MFHAS1: variants seen among roughly 807,000 people sequenced by gnomAD.
The protein encoded by MFHAS1 is malignant fibrous histiocytoma-amplified sequence 1.
MFHAS1 carries 50 observed loss-of-function variants against 70.4 expected under a neutral mutation model. That is an observed-to-expected ratio of 0.71 (90% confidence interval 0.57 to 0.90). The LOEUF is 0.90. Among genes scored for constraint, MFHAS1 ranks in the 40% least tolerant of loss-of-function variants. The pLI, the probability that MFHAS1 is intolerant of heterozygous loss-of-function variation, is 0.00. For missense variants in MFHAS1, 1,795 were observed against 1,347.6 expected (o/e 1.33, Z -5.20); for synonymous variants, 952 against 620.0 (o/e 1.54, Z -7.96).
rs573857319 is a variant in MFHAS1, at chr8:8,872,868, A to G, written c.2998+17193T>C. On this transcript the variant is annotated intron_variant, in intron 1 of 2. Transcript: ENST00000276282. ...GTTTTTCTTGGGGAGGGGGAAATGC[A>G]TATATTTCAGAGGCTTAACAAATAC... 9.7e-4 allele frequency among the ~76,000 whole-genome samples: 148 copies of G among 152,350 alleles called. 1 individual carries two copies. Among genetic ancestry groups the G allele is most frequent in the African/African-American group, 3.5e-3 (144 of 41,588 alleles).
At chr8:8,797,751 C>T (rs538026858) in intron 1 of MFHAS1, among the ~76,000 whole-genome samples, 1 of 152,326 alleles carries the variant, frequency 6.6e-6, no homozygotes, top group East Asian at 1.9e-4. Context: ...AAGACAGCAT[C>T]TGTCACTGCT....
chr8:8,892,900 G>A lies in MFHAS1; in HGVS notation c.159C>T (p.Ser53=). Residue 53 remains serine (S), a synonymous_variant, in exon 1 of 3, where the codon TCC becomes TCT. Coordinates refer to ENST00000276282, the MANE Select transcript of MFHAS1 (RefSeq NM_004225.3). This position sits in a 1 kb window ranked among gnomAD's most constrained non-coding sequence, Gnocchi z 4.7. Reference sequence around the variant, plus strand: ...GGTTGGCCGGCAGCACGAGCTGGGGGGAGGCGGGGGACTCGAGCGCGTCGG... The same window carrying A: ...GGTTGGCCGGCAGCACGAGCTGGGGAGAGGCGGGGGACTCGAGCGCGTCGG... ...AGADALESPA[S]PQLVLPANLG... The A allele has an allele frequency of 6.4e-7, 1 of 1,572,516 alleles. No individual in the cohort carries two copies. The highest frequency in any genetic ancestry group is 1.9e-5 in the Admixed American group (1 of 53,962).
intron 1 of MFHAS1, among the ~76,000 whole-genome samples, chr8:8,850,462 T>C (rs1237455549): frequency 6.6e-6 from 1 of 152,224 alleles, no homozygotes; most frequent in Non-Finnish European, 1.5e-5. Flanking sequence ...GATCATTTCA[T>C]CCAGCTTCTC....
chr8:8,890,854 G>T lies in MFHAS1; in HGVS notation c.2205C>A (p.Asp735Glu), dbSNP rs764300346. ...HVFHNLTRLI[D>E]ILNVFFQRDP... ...CCCTCTGGAAGAAGACATTGAGGAT[G>T]TCGATGAGGCGGGTGAGGTTGTGGA... Residue 735 changes from aspartate to glutamate, a missense_variant, in exon 1 of 3, where the codon GAC (aspartate) becomes GAA (glutamate). Transcript: ENST00000276282. 1 of 1,614,228 alleles carries T rather than the reference G, an allele frequency of 6.2e-7. No individual in the cohort carries two copies. Among genetic ancestry groups the T allele is most frequent in the South Asian group, 1.1e-5 (1 of 91,084 alleles).
chr8:8,855,302 G>T (rs1056779495), intron 1 of MFHAS1, among the ~76,000 whole-genome samples: 1 of 152,142 alleles, frequency 6.6e-6, no homozygotes, highest in African/African-American at 2.4e-5. Context: ...AGGACAAGCG[G>T]AAAACAGATG....
At chr8:8,812,598 G>C (rs182298517) in intron 1 of MFHAS1, among the ~76,000 whole-genome samples, 1 of 152,206 alleles carries the variant, frequency 6.6e-6, no homozygotes, top group Non-Finnish European at 1.5e-5. Flanking sequence ...ATATTTGACT[G>C]GGGTTTTTGC....
intron 1 of MFHAS1, among the ~76,000 whole-genome samples, chr8:8,866,915 G>C (rs1199390754): frequency 6.6e-6 from 1 of 152,160 alleles, no homozygotes; most frequent in Non-Finnish European, 1.5e-5. Context: ...CTTCTTTAGA[G>C]AATGGGGAAA....
intron 1 of MFHAS1, among the ~76,000 whole-genome samples, chr8:8,856,240 C>G (rs1222732909): frequency 1.3e-5 from 2 of 152,230 alleles, no homozygotes; most frequent in Non-Finnish European, 2.9e-5. Flanking sequence ...ACAAGAGTCA[C>G]TGGTCAGGTG....
Position 8,784,143 on chromosome 8 carries a change from T to G in MFHAS1, c.*1879A>C, listed in dbSNP as rs1805453158. The G allele has an allele frequency of 1.3e-5, 2 of 152,150 alleles. No individual in the cohort carries two copies. Among genetic ancestry groups the G allele is most frequent in the African/African-American group, 4.8e-5 (2 of 41,432 alleles). The allele number at this position is 152,150 out of a possible 1,614,324, so 9.4% of individuals were successfully genotyped here. ...GGGAGTTAGCCCAAAATCATACAAA[T>G]AAGCCTTTTTCTAAAGACAGGTCAA... On this transcript the variant is annotated 3_prime_UTR_variant, in exon 3 of 3. Coordinates refer to ENST00000276282, the MANE Select transcript of MFHAS1 (RefSeq NM_004225.3).
In MFHAS1 at chr8:8,880,432, G is replaced by C. The variant is rs79901456; in HGVS notation, c.2998+9629C>G. Among the ~76,000 whole-genome samples, 1,067 of 152,232 alleles carry C rather than the reference G, an allele frequency of 7.0e-3. 13 individuals are homozygous for C. Among genetic ancestry groups the C allele is most frequent in the African/African-American group, 0.025 (1,022 of 41,528 alleles). On this transcript the variant is annotated intron_variant, in intron 1 of 2. Transcript: ENST00000276282. Reference sequence around the variant, plus strand: ...CTTTCACTCAATAGGAGGAAGAGGAGGAGGAAGATGAGGAAGAAAAGCAGC... The same window carrying C: ...CTTTCACTCAATAGGAGGAAGAGGACGAGGAAGATGAGGAAGAAAAGCAGC...
chr8:8,868,651 G>C lies in MFHAS1; in HGVS notation c.2998+21410C>G, dbSNP rs1389708262. ...CTCACAAACCCACAATGAAATACAT[G>C]GCTTGGGCCCTCTCTAATGAATTAC... On this transcript the variant is annotated intron_variant, in intron 1 of 2. Coordinates refer to ENST00000276282, the MANE Select transcript of MFHAS1 (RefSeq NM_004225.3). Among the ~76,000 whole-genome samples the C allele has an allele frequency of 2.6e-5, 4 of 152,246 alleles. No homozygotes were observed. In the East Asian group the frequency reaches 7.7e-4, roughly 29 times the overall value.
chr8:8,858,905 T>C (rs973192806), intron 1 of MFHAS1, among the ~76,000 whole-genome samples: 8 of 152,322 alleles, frequency 5.3e-5, no homozygotes, highest in Non-Finnish European at 8.8e-5. Flanking sequence ...AAAGACTATA[T>C]AGAGGAACAC....
At chr8:8,868,628 C>A (rs1585061850) in intron 1 of MFHAS1, among the ~76,000 whole-genome samples, 1 of 152,010 alleles carries the variant, frequency 6.6e-6, no homozygotes, top group African/African-American at 2.4e-5. Context: ...TGAGGCCGCT[C>A]ACAAACCCAC....
At chr8:8,841,257 C>T (rs904579456) in intron 1 of MFHAS1, among the ~76,000 whole-genome samples, 75 of 152,130 alleles carry the variant, frequency 4.9e-4, no homozygotes, top group African/African-American at 1.7e-3. Flanking sequence ...GGCGGATCAC[C>T]TGCGGTCATG....
chr8:8,833,178 C>T lies in MFHAS1; in HGVS notation c.2999-35687G>A, dbSNP rs139387587. Reference sequence around the variant, plus strand: ...CACCAAAGGGGGACTGGTGCTACACCATTAGAGACCACCCCCTGATCCAAT... The same window carrying T: ...CACCAAAGGGGGACTGGTGCTACACTATTAGAGACCACCCCCTGATCCAAT... On this transcript the variant is annotated intron_variant, in intron 1 of 2. Coordinates refer to ENST00000276282, the MANE Select transcript of MFHAS1 (RefSeq NM_004225.3). Among the ~76,000 whole-genome samples the T allele has an allele frequency of 7.5e-4, 114 of 152,292 alleles. 1 individual carries two copies. The East Asian group carries it at 0.016, about 21-fold the overall frequency.
At chr8:8,875,048 T>C (rs541145512) in intron 1 of MFHAS1, among the ~76,000 whole-genome samples, 33 of 152,292 alleles carry the variant, frequency 2.2e-4, no homozygotes, top group Non-Finnish European at 4.1e-4. Context: ...CAGTGACATA[T>C]TGTTTCCATT....
At chr8:8,819,522 G>A (rs1585033288) in intron 1 of MFHAS1, among the ~76,000 whole-genome samples, 1 of 150,092 alleles carries the variant, frequency 6.7e-6, no homozygotes, top group East Asian at 2.0e-4. Flanking sequence ...GGAGAATGGC[G>A]TGAATCGGGA....
chr8:8,842,388 G>A (rs906048872), intron 1 of MFHAS1, among the ~76,000 whole-genome samples: 5 of 152,014 alleles, frequency 3.3e-5, no homozygotes, highest in South Asian at 4.1e-4. Flanking sequence ...GTTTCACCAC[G>A]TTCACCAGGC....
intron 1 of MFHAS1, among the ~76,000 whole-genome samples, chr8:8,831,865 G>C (rs1585040822): frequency 6.6e-6 from 1 of 152,094 alleles, no homozygotes; most frequent in East Asian, 1.9e-4. Flanking sequence ...GCCTGCCTCA[G>C]CCTCCCAAAG....
Sources: allele counts gnomAD v4.1 joint callset (sites outside exome capture counted in the v4.1 genomes callset), GRCh38; gene constraint gnomAD v4.1.1; non-coding constraint Gnocchi (gnomAD v3.1); transcripts MANE v1.5; gene names NCBI Gene and HGNC (gene_info 2026-07-23, HGNC 2026-07-21).